PXMP2: variants seen among roughly 807,000 people sequenced by gnomAD.
The protein encoded by PXMP2 is 22 kDa peroxisomal membrane protein.
PXMP2 carries 13 observed loss-of-function variants against 20.2 expected under a neutral mutation model. The ratio of observed to expected loss-of-function variants is 0.64; its 90% CI spans 0.42 to 1.02. The LOEUF (loss-of-function observed/expected upper bound fraction) is 1.02. Ranked by LOEUF, PXMP2 falls within the 50% of genes least tolerant of loss-of-function variation. The pLI, the probability that PXMP2 is intolerant of heterozygous loss-of-function variation, is 0.00. For synonymous variants in PXMP2, 113 were observed against 111.2 expected (o/e 1.02, Z -0.10); for missense variants, 284 against 251.8 (o/e 1.13, Z -0.87).
At chr12:132,688,076 C>T in intron 1 of PXMP2, 1 of 211,958 alleles carries the variant, frequency 4.7e-6, no homozygotes. Context: ...CCAACAGGGG[C>T]CCCGCGCGCC....
intron 2 of PXMP2, among the ~76,000 whole-genome samples, chr12:132,692,417 TCCCTTAGCCAGTTAGTTAGTGAGCG>T (rs2043375026): frequency 2.4e-5 from 2 of 82,274 alleles, no homozygotes; most frequent in Admixed American, 1.1e-4. Context: ...ATTAGTGAGC[TCCCTTAGCCAGTTAGTTAGTGAGCG>T]CCCTTAGCCA....
At position 132,689,824 on chromosome 12, in the gene PXMP2, C is replaced by T. The variant is rs564742068; in HGVS notation, c.123-439C>T. ...TAGTGCAGTATCGACCAGGGCATTG[C>T]GTGGACACAGTCCACAGATCCTATT... On this transcript the variant is annotated intron_variant, in intron 1 of 4. Coordinates refer to ENST00000317479, the MANE Select transcript of PXMP2 (RefSeq NM_018663.3). Among the ~76,000 whole-genome samples the T allele has an allele frequency of 6.6e-5, 10 of 152,310 alleles. No homozygotes were observed. The South Asian group carries it at 1.2e-3, about 19-fold the overall frequency.
At chr12:132,690,777 C>T (rs2043361682) in intron 2 of PXMP2, among the ~76,000 whole-genome samples, 1 of 152,048 alleles carries the variant, frequency 6.6e-6, no homozygotes, top group Non-Finnish European at 1.5e-5. Context: ...GAACTCCTGA[C>T]CTCAAGTGAT....
In PXMP2 at chr12:132,687,690, G is replaced by A. The variant is rs1453421103; in HGVS notation, c.20G>A (p.Arg7Lys). 1 of 1,184,968 alleles carries A rather than the reference G, an allele frequency of 8.4e-7. No individual in the cohort carries two copies. The highest frequency in any genetic ancestry group is 4.1e-5 in the East Asian group (1 of 24,472). The allele number at this position is 1,184,968 out of a possible 1,614,324, so 73.4% of individuals were successfully genotyped here. The change falls in exon 1 of 5, where the codon AGG becomes AAG. Residue 7 changes from arginine to lysine, a missense_variant. Physicochemically the swap from Arg to Lys is conservative, Grantham distance 26. Coordinates refer to ENST00000317479, the MANE Select transcript of PXMP2 (RefSeq NM_018663.3). MAPAASRLRAEAGLGAL... is the reference protein window; with the variant it reads MAPAASKLRAEAGLGAL... ...GAGGCGATGGCGCCGGCCGCGTCCA[G>A]GCTGCGGGCCGAAGCCGGGCTCGGG...
intron 3 of PXMP2, among the ~76,000 whole-genome samples, chr12:132,699,241 A>AC (rs1237474357): frequency 6.6e-6 from 1 of 151,966 alleles, no homozygotes; most frequent in Non-Finnish European, 1.5e-5. Flanking sequence ...ACAGAGTGAG[A>AC]CCCCTTCTCT....
intron 3 of PXMP2, among the ~76,000 whole-genome samples, chr12:132,699,495 C>A (rs1022123849): frequency 1.3e-4 from 19 of 150,432 alleles, no homozygotes; most frequent in African/African-American, 4.7e-4. Context: ...TAATGGCCCC[C>A]GGTTCAATCG....
chr12:132,692,728 T>TA (rs1399191395), intron 2 of PXMP2, among the ~76,000 whole-genome samples: 9 of 133,072 alleles, frequency 6.8e-5, no homozygotes, highest in African/African-American at 2.8e-4. Context: ...GCCAGTTAGT[T>TA]AGTGAGCTCC....
In PXMP2 at chr12:132,687,677, C is replaced by T. The variant is rs994406634; in HGVS notation, c.7C>T (p.Pro3Ser). The T allele has an allele frequency of 1.7e-6, 2 of 1,173,968 alleles. No individual in the cohort carries two copies. The highest frequency in any genetic ancestry group is 1.0e-6 in the Non-Finnish European group (1 of 955,694). 72.7% of individuals were successfully genotyped at this position (1,173,968 alleles called of 1,614,324 possible). ...GCACGGCGCTGGGGAGGCGATGGCG[C>T]CGGCCGCGTCCAGGCTGCGGGCCGA... MA[P>S]AASRLRAEAG... Residue 3 changes from proline (P) to serine (S), a missense_variant, in exon 1 of 5, where the codon CCG (proline) becomes TCG (serine). Coordinates refer to ENST00000317479, the MANE Select transcript of PXMP2 (RefSeq NM_018663.3).
intron 2 of PXMP2, among the ~76,000 whole-genome samples, chr12:132,691,862 T>C (rs533775197): frequency 6.6e-6 from 1 of 152,370 alleles, no homozygotes; most frequent in African/African-American, 2.4e-5. Context: ...AGGCCTCTTG[T>C]CCCAGTAGAT....
rs765615391 is a variant in PXMP2, at chr12:132,701,381, G to A, written c.519+12G>A. 5.1e-5 allele frequency: 82 copies of A among 1,611,556 alleles called. 1 individual carries two copies. The highest frequency in any genetic ancestry group is 1.8e-4 in the Middle Eastern group (1 of 5,692). On this transcript the variant is annotated intron_variant, in intron 4 of 4. Transcript: ENST00000317479. The stretch of plus-strand genomic sequence containing the variant: ...ACGTCCCTCTGAAGGTGAGGGCCAC[G>A]GGGCTCAGCCTCTGCTAACATTACT...
Position 132,690,389 on chromosome 12 carries a change from C to T in PXMP2, c.236+13C>T, listed in dbSNP as rs1052805385. 4 of 1,603,476 alleles carry T rather than the reference C, an allele frequency of 2.5e-6. No individual in the cohort carries two copies. The highest frequency in any genetic ancestry group is 3.3e-5 in the Admixed American group (2 of 59,910). On this transcript the variant is annotated intron_variant, in intron 2 of 4. Coordinates refer to ENST00000317479, the MANE Select transcript of PXMP2 (RefSeq NM_018663.3). ...ATGCCGTTTACGGGTGAGTGCCATA[C>T]AAGGGGTGGGTTTACCTTGTAGCCG...
At chr12:132,698,325 A>C (rs1399379863) in intron 3 of PXMP2, among the ~76,000 whole-genome samples, 4 of 152,178 alleles carry the variant, frequency 2.6e-5, no homozygotes, top group Non-Finnish European at 4.4e-5. Context: ...TTCTGTCCTG[A>C]AAGTAAATTT....
intron 4 of PXMP2, among the ~76,000 whole-genome samples, chr12:132,701,997 C>G (rs1024767544): frequency 6.6e-6 from 1 of 152,170 alleles, no homozygotes; most frequent in African/African-American, 2.4e-5. Flanking sequence ...GGCTGAGGCA[C>G]AAGAATCACT....
At chr12:132,704,404 CTG>C (rs2043459036) in intron 4 of PXMP2, among the ~76,000 whole-genome samples, 1 of 152,130 alleles carries the variant, frequency 6.6e-6, no homozygotes, top group Admixed American at 6.5e-5. Context: ...CCTGTGAACA[CTG>C]TAACTAGGGG....
intron 4 of PXMP2, chr12:132,701,633 TGTTC>T: frequency 2.2e-6 from 1 of 461,958 alleles, no homozygotes; most frequent in East Asian, 4.7e-5. Flanking sequence ...TTGCCTCTTC[TGTTC>T]GTTCAGCAAA....
intron 3 of PXMP2, among the ~76,000 whole-genome samples, chr12:132,699,931 A>G (rs1470479366): frequency 2.0e-5 from 3 of 151,928 alleles, no homozygotes; most frequent in African/African-American, 7.3e-5. Context: ...CAGGTCTTTG[A>G]GAAATTTCCA....
At chr12:132,688,629 T>C (rs1222420833) in intron 1 of PXMP2, among the ~76,000 whole-genome samples, 11 of 13,816 alleles carry the variant, frequency 8.0e-4, no homozygotes, top group East Asian at 1.5e-3. Context: ...GTCTGCGTGG[T>C]GCGGGTGAAG....
At position 132,697,542 on chromosome 12, in the gene PXMP2, G is replaced by A. The variant is rs1029847772; in HGVS notation, c.399+1496G>A. On this transcript the variant is annotated intron_variant, in intron 3 of 4. Coordinates refer to ENST00000317479, the MANE Select transcript of PXMP2 (RefSeq NM_018663.3). ...CCTGCCTCAGCCTCCTGAGTAGCTGGGATTACAGGAGCCCGCTACCACACC... is the reference window on the plus strand; with the variant it reads ...CCTGCCTCAGCCTCCTGAGTAGCTGAGATTACAGGAGCCCGCTACCACACC... 2.6e-5 allele frequency among the ~76,000 whole-genome samples: 4 copies of A among 151,852 alleles called. No homozygotes were observed. The South Asian group carries it at 8.3e-4, about 32-fold the overall frequency.
chr12:132,695,620 C>T (rs764721799), intron 2 of PXMP2, among the ~76,000 whole-genome samples: 1 of 152,194 alleles, frequency 6.6e-6, no homozygotes, highest in Non-Finnish European at 1.5e-5. Context: ...GACCTGGAAG[C>T]TGACAGTGTG....
Sources: allele counts gnomAD v4.1 joint callset (sites outside exome capture counted in the v4.1 genomes callset), GRCh38; gene constraint gnomAD v4.1.1; transcripts MANE v1.5; gene names NCBI Gene and HGNC (gene_info 2026-07-23, HGNC 2026-07-21).